Variants in SGCG observed in about 807,000 individuals in gnomAD.
SGCG encodes gamma-sarcoglycan.
In SGCG, 26 loss-of-function variants were observed where a neutral mutation model predicts 29.3. The ratio of observed to expected loss-of-function variants is 0.89; its 90% confidence interval spans 0.65 to 1.23. The LOEUF (loss-of-function observed/expected upper bound fraction) is 1.23. Among genes scored for constraint, SGCG ranks in the 50% most tolerant of loss-of-function variants. The pLI, the probability that SGCG is intolerant of heterozygous loss-of-function variation, is 0.00. For missense variants in SGCG, 353 were observed against 356.0 expected (o/e 0.99, Z 0.07); for synonymous variants, 145 against 129.7 (o/e 1.12, Z -0.80).
chr13:23,191,459 A>T (rs2152726), intron 1 of SGCG, among the ~76,000 whole-genome samples: 9 of 152,184 alleles, frequency 5.9e-5, no homozygotes, highest in Non-Finnish European at 1.5e-5. Flanking sequence ...GCCCAAGACC[A>T]GATGTCAAAA....
intron 6 of SGCG, among the ~76,000 whole-genome samples, chr13:23,313,735 T>C (rs1044306861): frequency 6.6e-6 from 1 of 152,232 alleles, no homozygotes; most frequent in African/African-American, 2.4e-5. Context: ...ATTATGATGG[T>C]TAGTACTGAG....
intron 4 of SGCG, among the ~76,000 whole-genome samples, chr13:23,263,654 T>A (rs1295968103): frequency 2.6e-5 from 4 of 152,038 alleles, no homozygotes; most frequent in Non-Finnish European, 4.4e-5. Context: ...CAGACTAATA[T>A]CCCCAAAGAA....
chr13:23,206,819 CACAA>C (rs781168043), intron 2 of SGCG, among the ~76,000 whole-genome samples: 15 of 152,128 alleles, frequency 9.9e-5, no homozygotes, highest in Non-Finnish European at 2.1e-4. Flanking sequence ...AAATTAAAGA[CACAA>C]ACAAATGAGA....
At chr13:23,166,418 T>C in the SGCG span, among the ~76,000 whole-genome samples, 41 of 152,080 alleles carry the variant, frequency 2.7e-4, 1 homozygote, top group Admixed American at 5.2e-4. Flanking sequence ...ATGGTCTCAA[T>C]CTCTTGACCT....
chr13:23,176,798 T>C (rs1023400106), upstream of SGCG, among the ~76,000 whole-genome samples: 1 of 152,224 alleles, frequency 6.6e-6, no homozygotes, highest in Admixed American at 6.5e-5. Context: ...GTTTTGTAGA[T>C]TCTTTGTTTC....
At chr13:23,163,568 C>A in the SGCG span, among the ~76,000 whole-genome samples, 1 of 152,158 alleles carries the variant, frequency 6.6e-6, no homozygotes, top group Admixed American at 6.5e-5. Flanking sequence ...GCTTCAGGTA[C>A]AAAACCTTGA....
chr13:23,320,791 G>A, intron 7 of SGCG, 31 bp downstream of exon 7: 1 of 1,603,086 alleles, frequency 6.2e-7, no homozygotes, highest in South Asian at 1.1e-5. Flanking sequence ...GCCTCCTACT[G>A]TATGTCCTGA....
chr13:23,238,961 A>G (rs1879407425), intron 3 of SGCG, among the ~76,000 whole-genome samples: 1 of 152,166 alleles, frequency 6.6e-6, no homozygotes, highest in South Asian at 2.1e-4. Flanking sequence ...GCAACAGAGT[A>G]TCAGTAACTA....
chr13:23,282,485 C>T (rs1321126192), intron 5 of SGCG, among the ~76,000 whole-genome samples: 1 of 152,186 alleles, frequency 6.6e-6, no homozygotes, highest in African/African-American at 2.4e-5. Flanking sequence ...CTCCTCCCAT[C>T]CTCCACCCTT....
In SGCG at chr13:23,223,276, C is replaced by CA. The variant is rs10569811; in HGVS notation, c.196-11313dup. ...TGGGCGACAGAGTCAGACTCTGTCA[C>CA]AAAAAAAAAAAAAAAAAAAAAAGAG... On this transcript the variant is annotated intron_variant, in intron 2 of 7. Transcript: ENST00000218867. Among the ~76,000 whole-genome samples, 747 of 103,712 alleles carry CA rather than the reference C, an allele frequency of 7.2e-3. 5 individuals carry two copies. The highest frequency in any genetic ancestry group is 0.013 in the African/African-American group (349 of 26,738). The allele number at this position is 103,712 out of a possible 152,430, so 68.0% of individuals were successfully genotyped here. A position where few individuals can be genotyped will look rare whatever the true frequency, so the allele number is the denominator to read the frequency against.
At chr13:23,240,820 C>T (rs1274725394) in intron 3 of SGCG, among the ~76,000 whole-genome samples, 1 of 152,008 alleles carries the variant, frequency 6.6e-6, no homozygotes, top group African/African-American at 2.4e-5. Flanking sequence ...TGAGGCAGTG[C>T]TTAGACGGAA....
At chr13:23,295,091 A>G (rs79083242) in intron 5 of SGCG, among the ~76,000 whole-genome samples, 2,794 of 152,348 alleles carry the variant, frequency 0.018, 59 homozygotes, top group East Asian at 0.11. Flanking sequence ...CTTAAAATAT[A>G]TGGGTGTATG....
At chr13:23,313,569 G>T (rs1483754951) in intron 6 of SGCG, among the ~76,000 whole-genome samples, 1 of 152,100 alleles carries the variant, frequency 6.6e-6, no homozygotes, top group Admixed American at 6.6e-5. Flanking sequence ...AATGAATATG[G>T]GGTAAACTTT....
At chr13:23,300,748 T>C (rs9510688) in intron 6 of SGCG, among the ~76,000 whole-genome samples, 1 of 147,672 alleles carries the variant, frequency 6.8e-6, no homozygotes, top group Non-Finnish European at 1.5e-5. Flanking sequence ...GAAGAAGTTA[T>C]CCCATCACAC....
intron 1 of SGCG, among the ~76,000 whole-genome samples, chr13:23,200,441 CAAAA>C (rs1178678299): frequency 2.0e-5 from 3 of 151,860 alleles, no homozygotes; most frequent in East Asian, 1.9e-4. Flanking sequence ...AACAAACAAA[CAAAA>C]AAACTGGGAA....
intron 2 of SGCG, among the ~76,000 whole-genome samples, chr13:23,227,315 G>GAA (rs11330528): frequency 4.7e-5 from 6 of 128,812 alleles, no homozygotes; most frequent in Non-Finnish European, 8.2e-5. Flanking sequence ...TTAAGAATGG[G>GAA]AAAAAAAAAA....
chr13:23,169,394 A>G, the SGCG span, among the ~76,000 whole-genome samples: 1 of 151,864 alleles, frequency 6.6e-6, no homozygotes, highest in African/African-American at 2.4e-5. Flanking sequence ...AAAAAAAAAA[A>G]AAGGTAGCCG....
intron 1 of SGCG, among the ~76,000 whole-genome samples, chr13:23,185,891 G>C (rs1248677570): frequency 1.3e-5 from 2 of 152,234 alleles, no homozygotes; most frequent in Non-Finnish European, 2.9e-5. Flanking sequence ...TGATGGGCGT[G>C]ACATAGCACG....
At chr13:23,169,992 G>T in the SGCG span, 1 of 152,204 alleles carries the variant, frequency 6.6e-6, no homozygotes, top group Non-Finnish European at 1.5e-5. Flanking sequence ...TGTGGCTGCT[G>T]ACAAATCCAG....
Sources: allele counts gnomAD v4.1 joint callset (sites outside exome capture counted in the v4.1 genomes callset), GRCh38; gene constraint gnomAD v4.1.1; transcripts MANE v1.5; gene names NCBI Gene and HGNC (gene_info 2026-07-23, HGNC 2026-07-21).